The following CAMK1D variants were observed in gnomAD, a reference collection of about 807,000 sequenced individuals.
CAMK1D encodes the protein calcium/calmodulin dependent protein kinase ID.
A neutral mutation model predicts 47.7 loss-of-function variants in CAMK1D; 9 were observed. That is an observed-to-expected ratio of 0.19 (90% CI 0.11 to 0.33). CAMK1D has a LOEUF of 0.33. Among genes scored for constraint, CAMK1D ranks in the 10% least tolerant of loss-of-function variants. The pLI is 1.00. For synonymous variants in CAMK1D, 184 were observed against 184.9 expected (o/e 0.99, Z 0.04); for missense variants, 291 against 488.7 (o/e 0.60, Z 3.81).
chr10:12,680,235 T>A (rs575497171), intron 3 of CAMK1D, among the ~76,000 whole-genome samples: 1 of 152,270 alleles, frequency 6.6e-6, no homozygotes, highest in South Asian at 2.1e-4. Flanking sequence ...GAAATTAATT[T>A]AGGAATGTTG....
chr10:12,727,705 T>C (rs1036911033), intron 3 of CAMK1D, among the ~76,000 whole-genome samples: 1 of 151,848 alleles, frequency 6.6e-6, no homozygotes, highest in African/African-American at 2.4e-5. Flanking sequence ...CAATATATCA[T>C]AGGATGCACC....
intron 2 of CAMK1D, among the ~76,000 whole-genome samples, chr10:12,632,069 C>T (rs1359560741): frequency 6.6e-6 from 1 of 152,156 alleles, no homozygotes; most frequent in Non-Finnish European, 1.5e-5. Context: ...GAATGAAGGC[C>T]CCGTTGCTTT....
intron 3 of CAMK1D, among the ~76,000 whole-genome samples, chr10:12,725,816 G>A (rs537257230): frequency 6.6e-6 from 1 of 152,180 alleles, no homozygotes; most frequent in Non-Finnish European, 1.5e-5. Flanking sequence ...GAGTGCAGTG[G>A]CATGATCTCG....
chr10:12,804,181 A>G (rs1838611154), intron 6 of CAMK1D, among the ~76,000 whole-genome samples: 1 of 152,190 alleles, frequency 6.6e-6, no homozygotes, highest in Non-Finnish European at 1.5e-5. Context: ...AATTTGGTTC[A>G]ATTTTCCTTT....
chr10:12,543,423 A>T (rs1836262075), intron 1 of CAMK1D, among the ~76,000 whole-genome samples: 1 of 152,200 alleles, frequency 6.6e-6, no homozygotes, highest in Admixed American at 6.5e-5. Context: ...AGAAACTGGG[A>T]TAGAAACAGA....
chr10:12,508,550 A>C (rs576553086), intron 1 of CAMK1D, among the ~76,000 whole-genome samples: 1 of 152,344 alleles, frequency 6.6e-6, no homozygotes, highest in South Asian at 2.1e-4. Context: ...AGATGAAAAA[A>C]TTCTGGAGGT....
intron 3 of CAMK1D, among the ~76,000 whole-genome samples, chr10:12,700,594 T>C (rs1833480470): frequency 6.6e-6 from 1 of 152,230 alleles, no homozygotes; most frequent in African/African-American, 2.4e-5. Context: ...TCTGTAGCAC[T>C]GTGCCTGCGG....
chr10:12,589,522 C>A (rs1042758787), intron 2 of CAMK1D, among the ~76,000 whole-genome samples: 49 of 152,196 alleles, frequency 3.2e-4, no homozygotes, highest in Middle Eastern at 3.2e-3. Flanking sequence ...CAAATGGAAG[C>A]ATTTTTGGAT....
At chr10:12,421,054 C>T (rs888024757) in intron 1 of CAMK1D, among the ~76,000 whole-genome samples, 5 of 152,168 alleles carry the variant, frequency 3.3e-5, no homozygotes, top group African/African-American at 1.2e-4. Context: ...ATATAATCTC[C>T]AGCCTTCTAC....
chr10:12,578,378 C>CTGA (rs1444780914), intron 2 of CAMK1D, among the ~76,000 whole-genome samples: 2 of 152,052 alleles, frequency 1.3e-5, no homozygotes, highest in Non-Finnish European at 2.9e-5. Flanking sequence ...CGAGACCAGC[C>CTGA]TGACCAACAT....
intron 1 of CAMK1D, among the ~76,000 whole-genome samples, chr10:12,495,679 G>A (rs900945281): frequency 6.6e-6 from 1 of 152,140 alleles, no homozygotes; most frequent in Non-Finnish European, 1.5e-5. Flanking sequence ...ACTCCAACAG[G>A]TTACACTAAT....
chr10:12,525,903 G>T (rs1371657582), intron 1 of CAMK1D, among the ~76,000 whole-genome samples: 1 of 152,088 alleles, frequency 6.6e-6, no homozygotes, highest in African/African-American at 2.4e-5. Flanking sequence ...GATTACAGGT[G>T]CTTGCCATCA....
chr10:12,744,246 G>C (rs1178009654), intron 3 of CAMK1D, among the ~76,000 whole-genome samples: 1 of 152,020 alleles, frequency 6.6e-6, no homozygotes, highest in Non-Finnish European at 1.5e-5. Context: ...ATAGACATTT[G>C]GGTTGCTTCC....
chr10:12,399,083 T>C (rs1207699214), intron 1 of CAMK1D, among the ~76,000 whole-genome samples: 1 of 152,184 alleles, frequency 6.6e-6, no homozygotes, highest in Non-Finnish European at 1.5e-5. Flanking sequence ...CATGCCCTAC[T>C]GGGAATGGTA....
intron 3 of CAMK1D, among the ~76,000 whole-genome samples, chr10:12,749,460 A>G (rs558415304): frequency 7.3e-5 from 11 of 151,220 alleles, no homozygotes; most frequent in South Asian, 6.3e-4. Context: ...AAAAAAAAAA[A>G]AAAAGAAATC....
At chr10:12,595,661 C>T (rs140354480) in intron 2 of CAMK1D, among the ~76,000 whole-genome samples, 37 of 152,292 alleles carry the variant, frequency 2.4e-4, no homozygotes, top group Non-Finnish European at 4.1e-4. Flanking sequence ...TACCCCTTGA[C>T]CATGTTTCCA....
chr10:12,460,000 A>C (rs1247255587), intron 1 of CAMK1D, among the ~76,000 whole-genome samples: 2 of 152,226 alleles, frequency 1.3e-5, no homozygotes, highest in Admixed American at 1.3e-4. Flanking sequence ...TGCAGACTAT[A>C]GCTCCATCTG....
chr10:12,490,743 G>T (rs1441053471), intron 1 of CAMK1D, among the ~76,000 whole-genome samples: 2 of 152,186 alleles, frequency 1.3e-5, no homozygotes, highest in East Asian at 3.9e-4. Flanking sequence ...TACTCAGGAG[G>T]CTGAGGCAGG....
intron 2 of CAMK1D, among the ~76,000 whole-genome samples, chr10:12,617,772 A>G (rs1190396608): frequency 1.3e-5 from 2 of 152,204 alleles, no homozygotes; most frequent in African/African-American, 4.8e-5. Context: ...AACAGTCACA[A>G]AAGACATAAA....
Sources: gnomAD v4.1 joint callset for allele counts (sites outside exome capture counted in the v4.1 genomes callset) on GRCh38, gnomAD v4.1.1 for gene constraint, MANE v1.5 for transcripts, NCBI Gene and HGNC (gene_info 2026-07-23, HGNC 2026-07-21) for gene names.